PFAS: variants seen among roughly 807,000 people sequenced by gnomAD.
The protein encoded by PFAS is FGAM synthase.
PFAS carries 97 observed loss-of-function variants against 140.6 expected under a neutral mutation model. That is an observed-to-expected ratio of 0.69 (90% CI 0.59 to 0.82). The LOEUF (loss-of-function observed/expected upper bound fraction) is 0.82, where lower values mean the gene tolerates loss of function less well. Among genes scored for constraint, PFAS ranks in the 40% least tolerant of loss-of-function variants. The pLI is 0.00. For synonymous variants in PFAS, 679 were observed against 718.8 expected, an observed-to-expected ratio of 0.94 and a Z score of 0.88; for missense variants, 1,656 against 1,780.2, an observed-to-expected ratio of 0.93 and a Z score of 1.26.
intron 1 of PFAS, among the ~76,000 whole-genome samples, chr17:8,252,433 C>T (rs913529871): frequency 6.6e-6 from 1 of 152,026 alleles, no homozygotes; most frequent in African/African-American, 2.4e-5. Flanking sequence ...GACAGAGTTT[C>T]ACTCTTGTTG....
At chr17:8,259,144 G>T (rs1300570029) in intron 11 of PFAS, among the ~76,000 whole-genome samples, 1 of 149,944 alleles carries the variant, frequency 6.7e-6, no homozygotes, top group Non-Finnish European at 1.5e-5. Flanking sequence ...AAAAAAAGAC[G>T]TGGTAAATAT....
rs1989713431 is a variant in PFAS at position 8,264,197 on chromosome 17, C to T, written c.1792-15C>T. The T allele has an allele frequency of 6.2e-7, 1 of 1,613,558 alleles. No individual in the cohort carries two copies. Among genetic ancestry groups the T allele is most frequent in the Non-Finnish European group, 8.5e-7 (1 of 1,179,658 alleles). ...TAGTCTCATCCCCTCTGGGTGGGGT[C>T]CCTGTGGTCTATAGATAGTGCTGGT... On this transcript the variant is annotated splice_polypyrimidine_tract_variant and intron_variant, in intron 15 of 27. Coordinates refer to ENST00000314666, the MANE Select transcript of PFAS (RefSeq NM_012393.3).
chr17:8,268,924 G>A (rs765158616), intron 27 of PFAS, 30 bp from the exon 28 acceptor site: 1 of 1,613,412 alleles, frequency 6.2e-7, no homozygotes, highest in Non-Finnish European at 8.5e-7. Flanking sequence ...AAGGACCTTG[G>A]CTCTCACTTC....
In PFAS at chr17:8,263,899, C is replaced by T. The variant is rs144294972; in HGVS notation, c.1754C>T (p.Pro585Leu). The change falls in exon 15 of 28, where the codon CCG becomes CTG. Residue 585 changes from proline (P) to leucine (L), a missense_variant. By Grantham distance (98) the Pro-to-Leu change is moderately conservative. Transcript: ENST00000314666. ...CATGTCAGTGCCCGTGAACGTTGCC[C>T]GGCTTGCTTCGTGGGCACCATCACT... The part of the protein sequence containing the change: ...LTHVSARERC[P>L]ACFVGTITGD... 5 of 1,613,678 alleles carry T rather than the reference C, an allele frequency of 3.1e-6. No individual in the cohort carries two copies. The highest frequency in any genetic ancestry group is 1.1e-5 in the South Asian group (1 of 91,084).
In PFAS at chr17:8,269,791, C is replaced by T. The variant is rs991185766; in HGVS notation, c.*527C>T. The T allele has an allele frequency of 1.3e-5, 2 of 152,864 alleles. No individual in the cohort carries two copies. The highest frequency in any genetic ancestry group is 4.8e-5 in the African/African-American group (2 of 41,476). The allele number at this position is 152,864 out of a possible 1,614,324, so 9.5% of individuals were successfully genotyped here. On this transcript the variant is annotated 3_prime_UTR_variant, in exon 28 of 28. Coordinates refer to ENST00000314666, the MANE Select transcript of PFAS (RefSeq NM_012393.3). ...CTGCACTGAATGTAAGGAATTGTTG[C>T]TTGTGGAAGTTTCTCAGCGTTTCTG...
At position 8,257,877 on chromosome 17, in the gene PFAS, C is replaced by T; in HGVS notation, c.1146C>T (p.Ala382=). 6.2e-7 allele frequency: 1 copy of T among 1,614,106 alleles called. No individual in the cohort carries two copies. The highest frequency in any genetic ancestry group is 8.5e-7 in the Non-Finnish European group (1 of 1,179,960). ...PGNFARPLEV[A]IEASNGASDY... The stretch of plus-strand genomic sequence containing the variant: ...ATTTTGCCCGGCCCCTGGAGGTTGC[C>T]ATTGAAGCCAGTAATGGAGCTTCTG... Residue 382 remains alanine (A), a synonymous_variant, in exon 10 of 28, where the codon GCC becomes GCT. Coordinates refer to ENST00000314666, the MANE Select transcript of PFAS (RefSeq NM_012393.3).
upstream of PFAS, chr17:8,248,043 C>G (rs1352572309): frequency 6.7e-7 from 1 of 1,492,850 alleles, no homozygotes; most frequent in Non-Finnish European, 9.1e-7. Context: ...CCATGATGCG[C>G]CGGAGCTCCG....
chr17:8,257,041 G>T, intron 9 of PFAS, 78 bp downstream of exon 9: 1 of 1,472,980 alleles, frequency 6.8e-7, no homozygotes. Flanking sequence ...TATCTGTTAG[G>T]TCCATAGGGT....
At chr17:8,255,724 G>T in intron 5 of PFAS, 33 bp downstream of exon 5, 1 of 1,606,200 alleles carries the variant, frequency 6.2e-7, no homozygotes, top group African/African-American at 1.3e-5. Flanking sequence ...GTAGGGTCCA[G>T]GATAGGCCAG....
intron 4 of PFAS, 57 bp downstream of exon 4, chr17:8,255,189 T>C: frequency 7.7e-7 from 1 of 1,299,532 alleles, no homozygotes; most frequent in Non-Finnish European, 1.1e-6. Context: ...GATTAGATCC[T>C]AAGCTCTAGA....
At chr17:8,247,662 T>G (rs73244902), upstream of PFAS, 2,392 of 242,316 alleles carry the variant, frequency 9.9e-3, 72 homozygotes, top group African/African-American at 0.052. Flanking sequence ...ACGCTTTTAC[T>G]TATTATGGTT....
chr17:8,264,281 CT>C lies in PFAS; in HGVS notation c.1862del (p.Leu621ArgfsTer39), dbSNP rs1193548079. On this transcript the variant is annotated frameshift_variant, in exon 16 of 28. Transcript: ENST00000314666. LOFTEE classifies it high-confidence loss of function. ...CCAGGGGGATGCCCCCCCGACACCC[CT>C]GCCAACCCCTGTGGACCTGGAGCTC... The part of the protein sequence containing the change: ...NGQGDAPPTP[L>X]PTPVDLELEW... The C allele has an allele frequency of 1.2e-6, 2 of 1,613,862 alleles. No homozygotes were observed. Among genetic ancestry groups the C allele is most frequent in the African/African-American group, 1.3e-5 (1 of 74,892 alleles).
intron 20 of PFAS, 92 bp from the exon 21 acceptor site, chr17:8,265,770 C>T: frequency 7.3e-7 from 1 of 1,361,494 alleles, no homozygotes. Flanking sequence ...CTAGGTGTCT[C>T]ACCACATGCT....
In PFAS at chr17:8,269,041, A is replaced by T; in HGVS notation, c.3794A>T (p.Asn1265Ile). 1 of 1,613,898 alleles carries T rather than the reference A, an allele frequency of 6.2e-7. No individual in the cohort carries two copies. The highest frequency in any genetic ancestry group is 8.5e-7 in the Non-Finnish European group (1 of 1,179,918). The change falls in exon 28 of 28, where the codon AAC becomes ATC. Residue 1265 changes from asparagine to isoleucine, a missense_variant. Physicochemically the swap from Asn to Ile is moderately radical, Grantham distance 149. Transcript: ENST00000314666. ...CTGCACTGGGCTGATGATGACGGGA[A>T]CCCCACAGAGCAGTACCCTCTGAAT... ...APLHWADDDG[N>I]PTEQYPLNPN...
In PFAS at chr17:8,266,754, C is replaced by G; in HGVS notation, c.2823C>G (p.Val941=). The G allele has an allele frequency of 1.2e-6, 2 of 1,602,024 alleles. No homozygotes were observed. The highest frequency in any genetic ancestry group is 8.5e-7 in the Non-Finnish European group (1 of 1,174,694). The change falls in exon 23 of 28, where the codon GTC becomes GTG. Residue 941 remains valine (V), a splice_region_variant and synonymous_variant. Transcript: ENST00000314666. The surrounding 1 kb of genome is among the most constrained non-coding windows in gnomAD (Gnocchi z 5.0). ...QVDVPVPRVD[V]LSVLFAEEPG... The stretch of plus-strand genomic sequence containing the variant: ...TGACTCCCCACATTGCTCTCCCAGT[C>G]CTGTCTGTGCTGTTCGCTGAGGAGC...
rs773036796 is a variant in PFAS, at chr17:8,265,409, G to A, written c.2402G>A (p.Gly801Asp). The A allele has an allele frequency of 6.2e-7, 1 of 1,614,174 alleles. No individual in the cohort carries two copies. The highest frequency in any genetic ancestry group is 1.1e-5 in the South Asian group (1 of 91,086). ...VMAALGVAVD[G>D]GKDSLSMAAR... ...GCAGCCCTGGGTGTGGCAGTGGATG[G>A]TGGCAAGGACTCCCTCAGCATGGCT... Residue 801 changes from glycine to aspartate, a missense_variant, in exon 19 of 28, where the codon GGT (glycine) becomes GAT (aspartate). This residue lies in a region of PFAS where 883 missense variants were observed against 1,023.0 expected (regional missense o/e 0.86). Transcript: ENST00000314666.
chr17:8,263,365 C>G (rs1989672866), intron 13 of PFAS, 100 bp downstream of exon 13: 6 of 1,315,556 alleles, frequency 4.6e-6, no homozygotes, highest in Non-Finnish European at 6.5e-6. Flanking sequence ...CCACCCAGCT[C>G]TGGGTCCCAT....
At position 8,266,759 on chromosome 17, in the gene PFAS, C is replaced by G. The variant is rs759857697; in HGVS notation, c.2828C>G (p.Ser943Cys). 1 of 1,606,590 alleles carries G rather than the reference C, an allele frequency of 6.2e-7. No homozygotes were observed. The highest frequency in any genetic ancestry group is 1.1e-5 in the South Asian group (1 of 89,884). ...CCCCACATTGCTCTCCCAGTCCTGT[C>G]TGTGCTGTTCGCTGAGGAGCCAGGC... ...DVPVPRVDVL[S>C]VLFAEEPGLV... The change falls in exon 23 of 28, where the codon TCT becomes TGT. Residue 943 changes from serine (S) to cysteine (C), a missense_variant. Physicochemically the swap from Ser to Cys is moderately radical, Grantham distance 112. Around this residue, in one of 2 missense-constraint regions of PFAS, gnomAD observed 883 missense variants for 1,023.0 expected, o/e 0.86. Coordinates refer to ENST00000314666, the MANE Select transcript of PFAS (RefSeq NM_012393.3). The surrounding 1 kb of genome is among the most constrained non-coding windows in gnomAD (Gnocchi z 5.0).
Position 8,267,954 on chromosome 17 carries a change from TA to T in PFAS, c.3382+293del, listed in dbSNP as rs1054668613. The stretch of plus-strand genomic sequence containing the variant: ...AAAATGTATATTATTTATATATTAT[TA>T]AAATATATATTATTTATATATATTA... On this transcript the variant is annotated intron_variant, in intron 26 of 27. Coordinates refer to ENST00000314666, the MANE Select transcript of PFAS (RefSeq NM_012393.3). The surrounding 1 kb of genome is among the most constrained non-coding windows in gnomAD (Gnocchi z 4.9). Among the ~76,000 whole-genome samples, 21 of 144,766 alleles carry T rather than the reference TA, an allele frequency of 1.5e-4. No homozygotes were observed. The highest frequency in any genetic ancestry group is 2.9e-4 in the Non-Finnish European group (19 of 66,064). The allele number at this position is 144,766 out of a possible 152,430, so 95.0% of individuals were successfully genotyped here.
Sources: allele counts gnomAD v4.1 joint callset (sites outside exome capture counted in the v4.1 genomes callset), GRCh38; gene constraint gnomAD v4.1.1; regional missense constraint gnomAD v4.1.1; non-coding constraint Gnocchi (gnomAD v3.1); transcripts MANE v1.5; gene names NCBI Gene and HGNC (gene_info 2026-07-23, HGNC 2026-07-21).